Variants in PRXL2A observed in about 807,000 individuals in gnomAD.
PRXL2A encodes the protein peroxiredoxin-like 2A.
Under a neutral mutation model 25.6 loss-of-function variants are expected in PRXL2A, and 26 were observed. That is an observed-to-expected ratio of 1.02 (90% CI 0.74 to 1.41). The LOEUF (loss-of-function observed/expected upper bound fraction) is 1.41, where lower values mean the gene tolerates loss of function less well. Among genes scored for constraint, PRXL2A ranks in the 40% most tolerant of loss-of-function variants. The pLI is 0.00. For synonymous variants in PRXL2A, 98 were observed against 102.9 expected, an observed-to-expected ratio of 0.95 and a Z score of 0.29; for missense variants, 246 against 273.9, an observed-to-expected ratio of 0.90 and a Z score of 0.72.
In PRXL2A at chr10:80,409,113, G is replaced by A. The variant is rs528627741; in HGVS notation, c.-3+470G>A. 464 of 981,810 alleles carry A rather than the reference G, an allele frequency of 4.7e-4. 1 individual carries two copies. The highest frequency in any genetic ancestry group is 6.1e-4 in the South Asian group (13 of 21,226). The allele number at this position is 981,810 out of a possible 1,614,324, so 60.8% of individuals were successfully genotyped here. On this transcript the variant is annotated intron_variant, in intron 1 of 5. Coordinates refer to ENST00000606162, the MANE Select transcript of PRXL2A (RefSeq NM_032333.5). ...CGTCCTCGTCTCTGTGCCCGCTTAGGGTCGTGTCTTTTAAGAGGGCACGGT... is the reference window on the plus strand; with the variant it reads ...CGTCCTCGTCTCTGTGCCCGCTTAGAGTCGTGTCTTTTAAGAGGGCACGGT...
Position 80,432,076 on chromosome 10 carries a change from AC to A in PRXL2A, c.668del (p.Thr223IlefsTer54), listed in dbSNP as rs766807209. The A allele has an allele frequency of 5.0e-6, 8 of 1,607,212 alleles. No homozygotes were observed. The Admixed American group carries it at 7.0e-5, about 14-fold the overall frequency. On this transcript the variant is annotated frameshift_variant, in exon 6 of 6. Transcript: ENST00000606162. LOFTEE classifies it high-confidence loss of function. ...LEAAKMIKPQ[T>X]LASEKK Reference sequence around the variant, plus strand: ...AGCTGCTAAGATGATCAAACCACAGACTTTGGCCTCAGAGAAAAAATGATTG... The same window carrying A: ...AGCTGCTAAGATGATCAAACCACAGATTTGGCCTCAGAGAAAAAATGATTG...
At chr10:80,420,309 C>T (rs1486598171) in intron 1 of PRXL2A, 157 bp from the exon 2 acceptor site, 2 of 1,379,596 alleles carry the variant, frequency 1.4e-6, no homozygotes, top group Admixed American at 6.5e-5. Flanking sequence ...GCAGCAGGTG[C>T]TTAGCAGCCC....
intron 1 of PRXL2A, among the ~76,000 whole-genome samples, chr10:80,410,348 G>A (rs1844436183): frequency 6.6e-6 from 1 of 152,260 alleles, no homozygotes. Context: ...GCTAGTGCAG[G>A]AGGCAGTGTT....
rs1377393260 is a variant in PRXL2A at position 80,432,134 on chromosome 10, G to A, written c.*35G>A. 6.2e-6 allele frequency: 8 copies of A among 1,291,294 alleles called. No homozygotes were observed. The highest frequency in any genetic ancestry group is 5.6e-6 in the Non-Finnish European group (5 of 898,896). 80.0% of individuals were successfully genotyped at this position (1,291,294 alleles called of 1,614,324 possible). A position where few individuals can be genotyped will look rare whatever the true frequency, so the allele number is the denominator to read the frequency against. ...ACTGCCCAGCTCAGGGATAACCAGG[G>A]ACATTCACCTGTGTTCATGGGATGT... is the stretch of plus-strand genomic sequence containing the variant. On this transcript the variant is annotated 3_prime_UTR_variant, in exon 6 of 6. Coordinates refer to ENST00000606162, the MANE Select transcript of PRXL2A (RefSeq NM_032333.5).
intron 1 of PRXL2A, among the ~76,000 whole-genome samples, chr10:80,418,979 T>C (rs1003687237): frequency 2.0e-5 from 3 of 151,866 alleles, no homozygotes; most frequent in Non-Finnish European, 2.9e-5. Flanking sequence ...GACCTCCTCT[T>C]TCTTTTCTTT....
intron 3 of PRXL2A, among the ~76,000 whole-genome samples, chr10:80,424,593 C>T (rs1201185401): frequency 6.7e-6 from 1 of 149,378 alleles, no homozygotes; most frequent in East Asian, 1.9e-4. Flanking sequence ...AGGCCAGGTG[C>T]AGTGGCTCAC....
At position 80,436,922 on chromosome 10, in the gene PRXL2A, G is replaced by GA. The variant is rs397831013; in HGVS notation, c.*4823_*4824insA. On this transcript the variant is annotated 3_prime_UTR_variant, in exon 6 of 6. Transcript: ENST00000606162. ...AGAGAGGCCAAGAAGAATCTAGACA[G>GA]CCTTGCTGGGTTTCCCCTCTCAGTC... 1.5e-5 allele frequency: 1 copy of GA among 65,804 alleles called. No individual in the cohort carries two copies. The highest frequency in any genetic ancestry group is 5.3e-3 in the East Asian group (1 of 188). The allele number at this position is 65,804 out of a possible 1,614,324, so 4.1% of individuals were successfully genotyped here. A position where few individuals can be genotyped will look rare whatever the true frequency, so the allele number is the denominator to read the frequency against.
chr10:80,408,403 A>C, upstream of PRXL2A: 1 of 152,016 alleles, frequency 6.6e-6, no homozygotes, highest in South Asian at 2.1e-4. Context: ...CACACGCCCG[A>C]GCGCCACCGG....
At chr10:80,429,545 G>A (rs1429530980) in intron 5 of PRXL2A, among the ~76,000 whole-genome samples, 1 of 23,268 alleles carries the variant, frequency 4.3e-5, no homozygotes, top group Admixed American at 4.5e-4. Flanking sequence ...GCCCTGCCCC[G>A]CCCCGCCCCT....
intron 1 of PRXL2A, chr10:80,419,923 G>T: frequency 1.0e-6 from 1 of 964,788 alleles, no homozygotes; most frequent in Middle Eastern, 5.3e-4. Flanking sequence ...GTAGGATATG[G>T]TCCCTGTTTT....
At chr10:80,426,476 C>T (rs540026109) in intron 4 of PRXL2A, among the ~76,000 whole-genome samples, 5 of 152,276 alleles carry the variant, frequency 3.3e-5, no homozygotes, top group African/African-American at 1.2e-4. Flanking sequence ...GTATTAAATG[C>T]ATTTCAATAT....
intron 1 of PRXL2A, among the ~76,000 whole-genome samples, chr10:80,417,810 T>C (rs1049435585): frequency 6.6e-6 from 1 of 150,780 alleles, no homozygotes; most frequent in Non-Finnish European, 1.5e-5. Flanking sequence ...GCTGGAGTTC[T>C]GGGCTATAGT....
Position 80,427,492 on chromosome 10 carries a change from A to G in PRXL2A, c.572A>G (p.Lys191Arg), listed in dbSNP as rs751855615. The change falls in exon 5 of 6, where the codon AAG (lysine) becomes AGG (arginine). Residue 191 changes from lysine (K) to arginine (R), a missense_variant. By Grantham distance (26) the Lys-to-Arg change is conservative. Coordinates refer to ENST00000606162, the MANE Select transcript of PRXL2A (RefSeq NM_032333.5). ...GGAGTTTTCGTGGTGGGATCAGGAA[A>G]GCAGGTGAGTTCTTGGTGTTTACTT... Reference protein sequence around the residue: ...LGGVFVVGSGKQGILLEHREK... With the variant: ...LGGVFVVGSGRQGILLEHREK... The G allele has an allele frequency of 6.2e-7, 1 of 1,614,008 alleles. No individual in the cohort carries two copies. The highest frequency in any genetic ancestry group is 1.1e-5 in the South Asian group (1 of 91,070).
intron 1 of PRXL2A, among the ~76,000 whole-genome samples, chr10:80,412,226 GT>G (rs1255285659): frequency 2.0e-5 from 3 of 152,136 alleles, no homozygotes; most frequent in Non-Finnish European, 4.4e-5. Context: ...GGCCCCGAGT[GT>G]CTTCATACCT....
At chr10:80,431,291 CTT>C (rs36042493) in intron 5 of PRXL2A, among the ~76,000 whole-genome samples, 26 of 136,794 alleles carry the variant, frequency 1.9e-4, no homozygotes, top group African/African-American at 3.1e-4. Context: ...TGTGGTGGGC[CTT>C]TTTTTTTTTT....
At chr10:80,424,448 T>A (rs951020009) in intron 3 of PRXL2A, among the ~76,000 whole-genome samples, 4 of 144,806 alleles carry the variant, frequency 2.8e-5, no homozygotes, top group African/African-American at 1.0e-4. Flanking sequence ...GCCAGGCATG[T>A]TGGTGTGCAC....
chr10:80,415,043 C>A (rs1487087611), intron 1 of PRXL2A, among the ~76,000 whole-genome samples: 1 of 152,196 alleles, frequency 6.6e-6, no homozygotes, highest in African/African-American at 2.4e-5. Context: ...TGCTTTGTAG[C>A]CCAGGGGACT....
In PRXL2A at chr10:80,435,426, G is replaced by A. The variant is rs917095093; in HGVS notation, c.*3327G>A. On this transcript the variant is annotated 3_prime_UTR_variant, in exon 6 of 6. Transcript: ENST00000606162. Reference sequence around the variant, plus strand: ...AAAATTGTTTGTGCTGAAAATCAATGATTTGCAGCTCTCAAGATTCCAGTG... The same window carrying A: ...AAAATTGTTTGTGCTGAAAATCAATAATTTGCAGCTCTCAAGATTCCAGTG... 4 of 151,844 alleles carry A rather than the reference G, an allele frequency of 2.6e-5. No homozygotes were observed. The highest frequency in any genetic ancestry group is 9.7e-5 in the African/African-American group (4 of 41,336). The allele number at this position is 151,844 out of a possible 1,614,324, so 9.4% of individuals were successfully genotyped here. A position where few individuals can be genotyped will look rare whatever the true frequency, so the allele number is the denominator to read the frequency against.
chr10:80,408,951 G>A, intron 1 of PRXL2A: 9 of 861,700 alleles, frequency 1.0e-5, no homozygotes, highest in Non-Finnish European at 1.3e-5. Context: ...GTCCACGCCC[G>A]CAAGCCTTGA....
Sources: allele counts gnomAD v4.1 joint callset (sites outside exome capture counted in the v4.1 genomes callset), GRCh38; gene constraint gnomAD v4.1.1; transcripts MANE v1.5; gene names NCBI Gene and HGNC (gene_info 2026-07-23, HGNC 2026-07-21).